SDHB: variants seen among roughly 807,000 people sequenced by gnomAD.
The protein encoded by SDHB is succinate dehydrogenase [ubiquinone] iron-sulfur subunit, mitochondrial.
SDHB carries 21 observed loss-of-function variants against 39.7 expected under a neutral mutation model. The ratio of observed to expected loss-of-function variants is 0.53; its 90% CI spans 0.37 to 0.76. The LOEUF is 0.76. Ranked by LOEUF, SDHB falls within the 30% of genes least tolerant of loss-of-function variation. The pLI is 0.00. For synonymous variants in SDHB, 118 were observed against 117.0 expected (o/e 1.01, Z -0.06); for missense variants, 343 against 350.9 (o/e 0.98, Z 0.18).
chr1:17,048,108 C>T (rs145315470), intron 1 of SDHB, among the ~76,000 whole-genome samples: 1 of 152,280 alleles, frequency 6.6e-6, no homozygotes, highest in East Asian at 1.9e-4. Flanking sequence ...ACTAACATTG[C>T]CCTTTTATAG....
chr1:17,053,177 T>C (rs1194384504), intron 1 of SDHB, among the ~76,000 whole-genome samples: 7 of 152,192 alleles, frequency 4.6e-5, no homozygotes. Flanking sequence ...ATGTGTTGTT[T>C]CTTGGCCATA....
intron 6 of SDHB, chr1:17,022,999 T>C: frequency 4.8e-6 from 2 of 418,370 alleles, no homozygotes; most frequent in Admixed American, 7.0e-5. Flanking sequence ...ATCTCCTAAT[T>C]ATTTCACATT....
chr1:17,025,191 T>C (rs2077985173), intron 5 of SDHB, among the ~76,000 whole-genome samples: 1 of 152,210 alleles, frequency 6.6e-6, no homozygotes, highest in Non-Finnish European at 1.5e-5. Flanking sequence ...GCATGGTGCA[T>C]ACATCTGAAG....
chr1:17,048,871 G>A (rs949039996), intron 1 of SDHB, among the ~76,000 whole-genome samples: 2 of 151,676 alleles, frequency 1.3e-5, no homozygotes, highest in Non-Finnish European at 2.9e-5. Flanking sequence ...CCACCACGCC[G>A]AGCTAATTTT....
Position 17,020,718 on chromosome 1 carries a change from T to G in SDHB, c.766-1760A>C, listed in dbSNP as rs1314417747. On this transcript the variant is annotated intron_variant, in intron 7 of 7. Transcript: ENST00000375499. ...TGGGTGCTTACTATGTGCCAGGCAC[T>G]GTTCCAAGCACTTTTATAGCATAAC... is the stretch of plus-strand genomic sequence containing the variant. Among the ~76,000 whole-genome samples the G allele has an allele frequency of 2.0e-5, 3 of 152,228 alleles. No individual in the cohort carries two copies. The East Asian group carries it at 5.8e-4, about 29-fold the overall frequency.
chr1:17,050,655 C>CAA (rs34806121), intron 1 of SDHB, among the ~76,000 whole-genome samples: 59,166 of 134,492 alleles, frequency 0.44, 13,607 homozygotes, highest in Non-Finnish European at 0.55. Context: ...GACTCTGTCT[C>CAA]AAAAAAAAAA....
intron 2 of SDHB, among the ~76,000 whole-genome samples, chr1:17,042,394 A>G (rs531251465): frequency 1.3e-3 from 205 of 152,040 alleles, no homozygotes; most frequent in Non-Finnish European, 2.1e-3. Flanking sequence ...GGAGTTGATC[A>G]TTGTTATTTG....
chr1:17,045,247 G>A (rs1570958409), intron 1 of SDHB: 1 of 297,504 alleles, frequency 3.4e-6, no homozygotes, highest in South Asian at 3.0e-5. Context: ...ACTTCAATGA[G>A]TGAAGAGTCA....
chr1:17,038,012 G>A (rs1489182107), intron 2 of SDHB, among the ~76,000 whole-genome samples: 1 of 152,146 alleles, frequency 6.6e-6, no homozygotes, highest in African/African-American at 2.4e-5. Context: ...AGTGGCAGGC[G>A]CCTGTAATCC....
chr1:17,035,157 G>A (rs1431839893), intron 2 of SDHB, among the ~76,000 whole-genome samples: 3 of 152,134 alleles, frequency 2.0e-5, no homozygotes, highest in African/African-American at 7.2e-5. Context: ...TTTGGTAACA[G>A]AATTTTAAAC....
intron 2 of SDHB, among the ~76,000 whole-genome samples, chr1:17,033,884 T>C (rs1179109505): frequency 2.0e-5 from 3 of 152,270 alleles, no homozygotes; most frequent in African/African-American, 2.4e-5. Context: ...TTAACTATAA[T>C]AATCATCATG....
At chr1:17,043,367 G>A (rs764312104) in intron 2 of SDHB, among the ~76,000 whole-genome samples, 7 of 152,212 alleles carry the variant, frequency 4.6e-5, no homozygotes, top group Non-Finnish European at 1.0e-4. Flanking sequence ...TGGTTGCTGA[G>A]TATTTGAAAA....
chr1:17,033,649 G>A (rs991242270), intron 2 of SDHB, among the ~76,000 whole-genome samples: 1 of 152,234 alleles, frequency 6.6e-6, no homozygotes, highest in Non-Finnish European at 1.5e-5. Context: ...ATGGTACTAA[G>A]CGGAGCATCC....
chr1:17,031,311 C>T (rs1447127891), intron 3 of SDHB, among the ~76,000 whole-genome samples: 2 of 151,976 alleles, frequency 1.3e-5, no homozygotes, highest in African/African-American at 4.8e-5. Flanking sequence ...ATCCAATGAA[C>T]TTTCTCTCAA....
chr1:17,025,687 C>A (rs971214390), intron 5 of SDHB, among the ~76,000 whole-genome samples: 1 of 151,904 alleles, frequency 6.6e-6, no homozygotes, highest in Non-Finnish European at 1.5e-5. Context: ...TTGGGGGCTG[C>A]CCAATTAAAA....
intron 3 of SDHB, 115 bp from the exon 4 acceptor site, chr1:17,028,851 C>T (rs1243123346): frequency 1.6e-6 from 2 of 1,243,094 alleles, no homozygotes; most frequent in African/African-American, 1.5e-5. Context: ...TGACATGCAA[C>T]ATTCCTCTGA....
At chr1:17,025,731 AATTATTT>A (rs1207306926) in intron 5 of SDHB, among the ~76,000 whole-genome samples, 8 of 152,208 alleles carry the variant, frequency 5.3e-5, no homozygotes, top group African/African-American at 1.9e-4. Flanking sequence ...CACATTTTCC[AATTATTT>A]ATTAAGTTCA....
At chr1:17,034,257 C>T (rs1022687767) in intron 2 of SDHB, among the ~76,000 whole-genome samples, 1 of 152,182 alleles carries the variant, frequency 6.6e-6, no homozygotes, top group Non-Finnish European at 1.5e-5. Context: ...AAGAGATCCT[C>T]CTGCCTCAGC....
rs867908217 is a variant in SDHB, at chr1:17,044,860, G to A, written c.101C>T (p.Ala34Val). Residue 34 changes from alanine (A) to valine (V), a missense_variant, in exon 2 of 8, where the codon GCC (alanine) becomes GTC (valine). By Grantham distance (64) the Ala-to-Val change is moderately conservative. Transcript: ENST00000375499. ...QASRGAQTAA[A>V]TAPRIKKFAI... ...AAATTTCTTGATACGGGGAGCTGTG[G>A]CTGCAGCTGTCTGGGCTCCTCGGGA... The A allele has an allele frequency of 6.2e-7, 1 of 1,613,814 alleles. No homozygotes were observed. The highest frequency in any genetic ancestry group is 1.3e-5 in the African/African-American group (1 of 74,908).
Sources: allele counts gnomAD v4.1 joint callset (sites outside exome capture counted in the v4.1 genomes callset), GRCh38; gene constraint gnomAD v4.1.1; transcripts MANE v1.5; gene names NCBI Gene and HGNC (gene_info 2026-07-23, HGNC 2026-07-21).